Variants in PPARGC1A observed in about 807,000 individuals in gnomAD.
PPARGC1A encodes the protein peroxisome proliferator-activated receptor gamma coactivator 1-alpha.
A neutral mutation model predicts 88.7 loss-of-function variants in PPARGC1A; 25 were observed. The observed-to-expected ratio is 0.28, with a 90% CI of 0.21 to 0.39. PPARGC1A has a LOEUF of 0.39. Ranked by LOEUF, PPARGC1A falls within the 10% of genes least tolerant of loss-of-function variation. PPARGC1A has a pLI of 1.00. For synonymous variants in PPARGC1A, 363 were observed against 355.6 expected, an observed-to-expected ratio of 1.02 and a Z score of -0.24; for missense variants, 880 against 968.7, an observed-to-expected ratio of 0.91 and a Z score of 1.22.
chr4:24,293,576 G>T, the PPARGC1A span, among the ~76,000 whole-genome samples: 2 of 26,380 alleles, frequency 7.6e-5, no homozygotes, highest in Admixed American at 5.3e-4. Context: ...CCCTTCCTGT[G>T]CTCCTCCTAC....
chr4:24,082,816 C>T, the PPARGC1A span, among the ~76,000 whole-genome samples: 1 of 152,062 alleles, frequency 6.6e-6, no homozygotes, highest in African/African-American at 2.4e-5. Context: ...ACTCAAGGTT[C>T]ACTGGGCCCC....
chr4:24,231,257 T>C, the PPARGC1A span, among the ~76,000 whole-genome samples: 2 of 152,154 alleles, frequency 1.3e-5, no homozygotes. Flanking sequence ...GCTGCTAAAA[T>C]GAGGCAGAAG....
At chr4:24,044,270 A>T in the PPARGC1A span, among the ~76,000 whole-genome samples, 2 of 152,170 alleles carry the variant, frequency 1.3e-5, no homozygotes, top group Admixed American at 1.3e-4. Context: ...ATGAGACGCC[A>T]CTTTGTCATC....
intron 7 of PPARGC1A, among the ~76,000 whole-genome samples, chr4:23,819,109 G>T (rs1577387498): frequency 6.6e-6 from 1 of 151,840 alleles, no homozygotes; most frequent in East Asian, 1.9e-4. Context: ...GGTGTCAAGA[G>T]TGCAGAGGGA....
chr4:23,838,077 T>C (rs1726366662), intron 2 of PPARGC1A, among the ~76,000 whole-genome samples: 1 of 152,204 alleles, frequency 6.6e-6, no homozygotes, highest in South Asian at 2.1e-4. Context: ...TTTAGCTTTT[T>C]TCTTTAACCC....
At chr4:23,979,436 A>G in the PPARGC1A span, among the ~76,000 whole-genome samples, 2 of 152,156 alleles carry the variant, frequency 1.3e-5, no homozygotes, top group African/African-American at 4.8e-5. Context: ...GGTTACAATT[A>G]TTAGTTTTGC....
chr4:24,053,204 A>C, the PPARGC1A span, among the ~76,000 whole-genome samples: 1 of 150,936 alleles, frequency 6.6e-6, no homozygotes, highest in Non-Finnish European at 1.5e-5. Context: ...AATTTTTCTT[A>C]CTCTGCAAGT....
At chr4:23,838,271 A>G (rs1366915087) in intron 2 of PPARGC1A, among the ~76,000 whole-genome samples, 2 of 151,998 alleles carry the variant, frequency 1.3e-5, no homozygotes, top group South Asian at 2.1e-4. Flanking sequence ...TGCTTCTTTT[A>G]TACCCAAGTG....
chr4:23,980,266 T>A, the PPARGC1A span, among the ~76,000 whole-genome samples: 1 of 151,608 alleles, frequency 6.6e-6, no homozygotes, highest in Non-Finnish European at 1.5e-5. Context: ...AGTGATGTCA[T>A]CTATCTGCTC....
the PPARGC1A span, among the ~76,000 whole-genome samples, chr4:24,458,488 G>A: frequency 3.9e-5 from 6 of 152,160 alleles, no homozygotes; most frequent in East Asian, 3.9e-4. Flanking sequence ...GTGAGAGAGC[G>A]AGACCCTGTC....
the PPARGC1A span, among the ~76,000 whole-genome samples, chr4:24,464,467 G>A: frequency 0.25 from 38,785 of 152,166 alleles, 6,674 homozygotes; most frequent in African/African-American, 0.49. Context: ...GGACTAAACT[G>A]CTACTGGAAA....
intron 10 of PPARGC1A, among the ~76,000 whole-genome samples, chr4:23,808,243 T>TC (rs1720225338): frequency 9.1e-6 from 1 of 109,558 alleles, no homozygotes; most frequent in South Asian, 3.4e-4. Context: ...AGAGCAAGAC[T>TC]CCATCTCAAA....
chr4:23,834,972 T>C (rs141389370), intron 2 of PPARGC1A, among the ~76,000 whole-genome samples: 8 of 152,290 alleles, frequency 5.3e-5, no homozygotes, highest in Middle Eastern at 3.4e-3. Flanking sequence ...CAAATACACA[T>C]GCACACACAG....
chr4:24,089,467 A>T, the PPARGC1A span, among the ~76,000 whole-genome samples: 1 of 150,596 alleles, frequency 6.6e-6, no homozygotes, highest in Non-Finnish European at 1.5e-5. Flanking sequence ...ATCAGAGACT[A>T]GACTAGGATG....
chr4:23,974,215 T>C, the PPARGC1A span, among the ~76,000 whole-genome samples: 1 of 152,144 alleles, frequency 6.6e-6, no homozygotes, highest in Non-Finnish European at 1.5e-5. Flanking sequence ...GTGTGTGGCA[T>C]TGGGTGGGGA....
chr4:23,955,669 C>T, the PPARGC1A span, among the ~76,000 whole-genome samples: 2 of 152,018 alleles, frequency 1.3e-5, no homozygotes, highest in African/African-American at 4.8e-5. Flanking sequence ...ACAAGAATAA[C>T]AGATGATTCA....
chr4:24,077,985 G>A, the PPARGC1A span, among the ~76,000 whole-genome samples: 16 of 151,424 alleles, frequency 1.1e-4, no homozygotes, highest in African/African-American at 2.2e-4. Context: ...TCTGGTTTTC[G>A]GAATATTCCT....
At chr4:24,058,231 G>A in the PPARGC1A span, among the ~76,000 whole-genome samples, 1 of 152,184 alleles carries the variant, frequency 6.6e-6, no homozygotes, top group Non-Finnish European at 1.5e-5. Context: ...GGGGAGGTGA[G>A]TATCTCATGG....
At chr4:23,834,940 C>A (rs1484647118) in intron 2 of PPARGC1A, among the ~76,000 whole-genome samples, 2 of 152,106 alleles carry the variant, frequency 1.3e-5, no homozygotes, top group Non-Finnish European at 2.9e-5. Context: ...TCCATATTAT[C>A]TAATAATTTT....
Sources: allele counts gnomAD v4.1 joint callset (sites outside exome capture counted in the v4.1 genomes callset), GRCh38; gene constraint gnomAD v4.1.1; transcripts MANE v1.5; gene names NCBI Gene and HGNC (gene_info 2026-07-23, HGNC 2026-07-21).